The following TENM2 variants were observed in gnomAD, a reference collection of about 807,000 sequenced individuals.
The protein encoded by TENM2 is teneurin-2.
A neutral mutation model predicts 245.2 loss-of-function variants in TENM2; 52 were observed. The ratio of observed to expected loss-of-function variants is 0.21; its 90% CI spans 0.17 to 0.27. The LOEUF is 0.27. TENM2 is among the 10% of genes least tolerant of loss of function. The pLI, the probability that TENM2 is intolerant of heterozygous loss-of-function variation, is 1.00. For missense variants in TENM2, 3,046 were observed against 3,666.8 expected (o/e 0.83, Z 4.37); for synonymous variants, 1,363 against 1,438.9 (o/e 0.95, Z 1.19).
At chr5:167,158,897 TTCCTTC>T in the TENM2 span, among the ~76,000 whole-genome samples, 11 of 145,204 alleles carry the variant, frequency 7.6e-5, no homozygotes, top group African/African-American at 2.4e-4. Context: ...CCTTCCTTCC[TTCCTTC>T]CTTCCTCTTC....
intron 9 of TENM2, among the ~76,000 whole-genome samples, chr5:168,107,282 G>A (rs549971371): frequency 5.9e-5 from 9 of 151,998 alleles, no homozygotes; most frequent in East Asian, 1.9e-4. Flanking sequence ...CTGCTCACTC[G>A]GCTACCAACC....
the TENM2 span, among the ~76,000 whole-genome samples, chr5:167,142,278 C>T: frequency 8.5e-5 from 13 of 152,064 alleles, no homozygotes; most frequent in Non-Finnish European, 1.6e-4. Context: ...AGCTGTCACT[C>T]CTGCCCAGAG....
the TENM2 span, among the ~76,000 whole-genome samples, chr5:167,149,068 G>A: frequency 1.4e-4 from 22 of 152,152 alleles, no homozygotes; most frequent in Non-Finnish European, 2.4e-4. Flanking sequence ...TGCACAAGGT[G>A]CAGGTTAGTT....
chr5:167,180,002 T>C, the TENM2 span, among the ~76,000 whole-genome samples: 2 of 152,114 alleles, frequency 1.3e-5, no homozygotes, highest in East Asian at 1.9e-4. Context: ...AGGAGCCAAC[T>C]TGGGCCAAGG....
intron 12 of TENM2, among the ~76,000 whole-genome samples, chr5:168,135,671 A>G (rs1754987555): frequency 6.6e-6 from 1 of 152,236 alleles, no homozygotes; most frequent in African/African-American, 2.4e-5. Context: ...ATTAGAATGG[A>G]TTAAATTACA....
At chr5:167,258,229 G>GTA in the TENM2 span, among the ~76,000 whole-genome samples, 120 of 145,346 alleles carry the variant, frequency 8.3e-4, 1 homozygote, top group African/African-American at 1.9e-3. Flanking sequence ...ATATATATGT[G>GTA]TATATATATA....
intron 2 of TENM2, among the ~76,000 whole-genome samples, chr5:167,802,616 T>C (rs1765864109): frequency 6.6e-6 from 1 of 152,122 alleles, no homozygotes; most frequent in Non-Finnish European, 1.5e-5. Context: ...TGTCAGAATA[T>C]TTTGTTGAGG....
the TENM2 span, among the ~76,000 whole-genome samples, chr5:167,011,971 A>G: frequency 6.6e-6 from 1 of 152,080 alleles, no homozygotes; most frequent in Non-Finnish European, 1.5e-5. Context: ...AAACCCTTTC[A>G]GTTTAGTCTC....
intron 5 of TENM2, among the ~76,000 whole-genome samples, chr5:168,005,504 C>G (rs1481858124): frequency 6.6e-6 from 1 of 152,200 alleles, no homozygotes; most frequent in African/African-American, 2.4e-5. Flanking sequence ...ACCTGTGTCT[C>G]CCACAATTCC....
chr5:168,094,875 C>T (rs797011175), intron 8 of TENM2, among the ~76,000 whole-genome samples: 13 of 152,168 alleles, frequency 8.5e-5, no homozygotes, highest in African/African-American at 2.4e-4. Flanking sequence ...GACTGAGCTC[C>T]GCCCCCTGTC....
chr5:167,651,653 A>G (rs897008202), intron 2 of TENM2, among the ~76,000 whole-genome samples: 1 of 152,168 alleles, frequency 6.6e-6, no homozygotes, highest in Non-Finnish European at 1.5e-5. Flanking sequence ...GAAAGAGGCT[A>G]CATGGTAGAA....
At chr5:168,065,657 C>A (rs1790430010) in intron 7 of TENM2, among the ~76,000 whole-genome samples, 1 of 151,868 alleles carries the variant, frequency 6.6e-6, no homozygotes, top group African/African-American at 2.4e-5. Flanking sequence ...GTTTCTTCTT[C>A]TTTCTAAAGA....
the TENM2 span, among the ~76,000 whole-genome samples, chr5:167,091,307 A>T: frequency 6.6e-6 from 1 of 152,212 alleles, no homozygotes; most frequent in African/African-American, 2.4e-5. Flanking sequence ...TGTATGGATA[A>T]CTGTCATTGA....
the TENM2 span, among the ~76,000 whole-genome samples, chr5:167,034,485 C>G: frequency 5.3e-5 from 8 of 151,960 alleles, no homozygotes; most frequent in Admixed American, 5.2e-4. Flanking sequence ...AAAAAATTAG[C>G]CGGGCGTGGT....
chr5:168,223,384 A>G (rs1392529353), intron 23 of TENM2, among the ~76,000 whole-genome samples: 1 of 152,150 alleles, frequency 6.6e-6, no homozygotes, highest in Non-Finnish European at 1.5e-5. Context: ...CCGTATCCAA[A>G]TACTTAGAAT....
At chr5:167,012,398 A>C in the TENM2 span, among the ~76,000 whole-genome samples, 1 of 152,220 alleles carries the variant, frequency 6.6e-6, no homozygotes, top group East Asian at 1.9e-4. Flanking sequence ...GAGGAGACAA[A>C]TAATAAATGT....
chr5:168,084,762 AC>A (rs1581253037), intron 7 of TENM2, among the ~76,000 whole-genome samples: 1 of 152,194 alleles, frequency 6.6e-6, no homozygotes, highest in East Asian at 1.9e-4. Context: ...CCACTTACAG[AC>A]CAAGTACAGC....
At chr5:167,325,774 C>T (rs1047908942) in intron 1 of TENM2, among the ~76,000 whole-genome samples, 3 of 152,146 alleles carry the variant, frequency 2.0e-5, no homozygotes, top group Non-Finnish European at 2.9e-5. Flanking sequence ...ATATTCCAGA[C>T]GTTGTTCTGG....
chr5:168,010,122 G>T (rs936260583), intron 5 of TENM2, among the ~76,000 whole-genome samples: 1 of 152,162 alleles, frequency 6.6e-6, no homozygotes, highest in Non-Finnish European at 1.5e-5. Flanking sequence ...GTGCATTCCC[G>T]ACAAGTCTAT....
Sources: allele counts gnomAD v4.1 joint callset (sites outside exome capture counted in the v4.1 genomes callset), GRCh38; gene constraint gnomAD v4.1.1; transcripts MANE v1.5; gene names NCBI Gene and HGNC (gene_info 2026-07-23, HGNC 2026-07-21).